TRA2A: variants seen among roughly 807,000 people sequenced by gnomAD.
The protein encoded by TRA2A is transformer-2 protein homolog alpha.
A neutral mutation model predicts 45.7 loss-of-function variants in TRA2A; 31 were observed. The observed-to-expected ratio is 0.68, with a 90% CI of 0.51 to 0.92. TRA2A has a LOEUF of 0.92. Among genes scored for constraint, TRA2A ranks in the 40% least tolerant of loss-of-function variants. The probability of loss-of-function intolerance (pLI) is 0.00; values close to 1 mark genes in which losing one functional copy is unlikely to be tolerated. For missense variants in TRA2A, 304 were observed against 367.5 expected, an observed-to-expected ratio of 0.83 and a Z score of 1.41; for synonymous variants, 132 against 126.2, an observed-to-expected ratio of 1.05 and a Z score of -0.31.
rs946099153 is a variant in TRA2A, at chr7:23,531,967, A to G, written c.-143T>C. On this transcript the variant is annotated 5_prime_UTR_variant, in exon 1 of 8. Transcript: ENST00000297071. ...CTCCACTCCACTCCCACTCGGTCGC[A>G]GGCTCCAGCAAAATGGCGCCGGCGC... 2 of 861,752 alleles carry G rather than the reference A, an allele frequency of 2.3e-6. No individual in the cohort carries two copies. The highest frequency in any genetic ancestry group is 1.7e-5 in the African/African-American group (1 of 59,006). 53.4% of individuals were successfully genotyped at this position (861,752 alleles called of 1,614,324 possible).
intron 2 of TRA2A, among the ~76,000 whole-genome samples, chr7:23,518,223 A>G (rs563065684): frequency 7.9e-5 from 12 of 151,998 alleles, no homozygotes; most frequent in African/African-American, 2.7e-4. Context: ...CCTGGCCCAT[A>G]AAGTTCTACA....
At chr7:23,531,208 A>C (rs1319546811) in intron 1 of TRA2A, 7 of 986,614 alleles carry the variant, frequency 7.1e-6, no homozygotes, top group Non-Finnish European at 8.4e-6. Context: ...CCCACCTTCA[A>C]CCTCAAGGCT....
intron 1 of TRA2A, among the ~76,000 whole-genome samples, chr7:23,523,597 G>C (rs1008246019): frequency 5.3e-5 from 8 of 152,102 alleles, no homozygotes; most frequent in African/African-American, 1.7e-4. Context: ...AATGCCACCT[G>C]GTCATTTTCT....
At chr7:23,528,546 G>A (rs1344844182) in intron 1 of TRA2A, among the ~76,000 whole-genome samples, 4 of 152,028 alleles carry the variant, frequency 2.6e-5, no homozygotes, top group African/African-American at 9.7e-5. Context: ...CCTGGGTTTT[G>A]ATAGTCATCA....
At chr7:23,530,910 TTTTTTTTTTTTTACCGTAAAAACC>T (rs1354354555) in intron 1 of TRA2A, among the ~76,000 whole-genome samples, 3 of 88,550 alleles carry the variant, frequency 3.4e-5, no homozygotes, top group Non-Finnish European at 6.5e-5. Flanking sequence ...GAAAGACAGA[TTTTTTTTTTTTTACCGTAAAAACC>T]TGTAAAGGAG....
At position 23,529,853 on chromosome 7, in the gene TRA2A, C is replaced by CTTTT. The variant is rs11415684; in HGVS notation, c.36+1932_36+1935dup. ...CTTTAGCTTAAAAGTGGGTGGGAAT[C>CTTTT]TTTTTTTTTTTTTTTGAGACGGGAG... On this transcript the variant is annotated intron_variant, in intron 1 of 7. Transcript: ENST00000297071. 9.4e-3 allele frequency among the ~76,000 whole-genome samples: 1,331 copies of CTTTT among 140,996 alleles called. 25 individuals are homozygous for CTTTT. Among genetic ancestry groups the CTTTT allele is most frequent in the South Asian group, 0.032 (143 of 4,504 alleles). The allele number at this position is 140,996 out of a possible 152,430, so 92.5% of individuals were successfully genotyped here.
At chr7:23,520,234 A>C (rs1457648269) in intron 2 of TRA2A, among the ~76,000 whole-genome samples, 2 of 152,194 alleles carry the variant, frequency 1.3e-5, no homozygotes, top group African/African-American at 4.8e-5. Flanking sequence ...AACAAAAACA[A>C]ACAAGAAACT....
rs181714742 is a variant in TRA2A, at chr7:23,517,820, G to A, written c.171-1292C>T. On this transcript the variant is annotated intron_variant, in intron 2 of 7. Coordinates refer to ENST00000297071, the MANE Select transcript of TRA2A (RefSeq NM_013293.5). ...CCAGCTACTTGGGAGGCTGAGGCACGAGAATCACTTGAACCCGGGAGGTGG... is the reference window on the plus strand; with the variant it reads ...CCAGCTACTTGGGAGGCTGAGGCACAAGAATCACTTGAACCCGGGAGGTGG... Among the ~76,000 whole-genome samples, 647 of 152,026 alleles carry A rather than the reference G, an allele frequency of 4.3e-3. 5 individuals are homozygous for A. Among genetic ancestry groups the A allele is most frequent in the African/African-American group, 0.015 (626 of 41,514 alleles).
intron 1 of TRA2A, among the ~76,000 whole-genome samples, chr7:23,528,849 A>C (rs537145087): frequency 2.4e-4 from 37 of 152,154 alleles, no homozygotes; most frequent in African/African-American, 8.9e-4. Context: ...AGTCTCTCAA[A>C]AATACTCCAG....
intron 5 of TRA2A, among the ~76,000 whole-genome samples, chr7:23,506,976 C>T (rs902267615): frequency 6.6e-6 from 1 of 151,996 alleles, no homozygotes; most frequent in African/African-American, 2.4e-5. Flanking sequence ...GGGGTTTCAC[C>T]GTGGTCCCGA....
chr7:23,524,955 G>A (rs1377475108), intron 1 of TRA2A, among the ~76,000 whole-genome samples: 1 of 152,102 alleles, frequency 6.6e-6, no homozygotes, highest in Non-Finnish European at 1.5e-5. Context: ...CTCCCAAAGC[G>A]CTGGGATTAC....
rs370041820 is a variant in TRA2A at position 23,512,617 on chromosome 7, CCTGG to C, written c.525+273_525+276del. Among the ~76,000 whole-genome samples, 37 of 152,162 alleles carry C rather than the reference CCTGG, an allele frequency of 2.4e-4. No homozygotes were observed. In the East Asian group the frequency reaches 6.6e-3, roughly 27 times the overall value. On this transcript the variant is annotated intron_variant, in intron 4 of 7. Transcript: ENST00000297071. The stretch of plus-strand genomic sequence containing the variant: ...GGGACTACAAGCGCCGGCCACCACG[CCTGG>C]CTAATTGTTTGTATTTTTAGTAGAG...
intron 3 of TRA2A, among the ~76,000 whole-genome samples, 162 bp from the exon 4 acceptor site, chr7:23,513,244 T>A (rs1185645460): frequency 6.6e-6 from 1 of 152,202 alleles, no homozygotes; most frequent in Admixed American, 6.5e-5. Flanking sequence ...GAGCCATATT[T>A]TACAATTCAC....
chr7:23,531,753 C>A, intron 1 of TRA2A, 36 bp downstream of exon 1: 1 of 1,611,426 alleles, frequency 6.2e-7, no homozygotes. Flanking sequence ...GAGCATTGGG[C>A]CGCCGCCTAG....
Position 23,529,853 on chromosome 7 carries a change from CT to C in TRA2A, c.36+1935del, listed in dbSNP as rs11415684. On this transcript the variant is annotated intron_variant, in intron 1 of 7. Coordinates refer to ENST00000297071, the MANE Select transcript of TRA2A (RefSeq NM_013293.5). ...CTTTAGCTTAAAAGTGGGTGGGAAT[CT>C]TTTTTTTTTTTTTTGAGACGGGAGT... Among the ~76,000 whole-genome samples, 111 of 140,966 alleles carry C rather than the reference CT, an allele frequency of 7.9e-4. 1 individual carries two copies. The highest frequency in any genetic ancestry group is 3.7e-3 in the Middle Eastern group (1 of 268). 92.5% of individuals were successfully genotyped at this position (140,966 alleles called of 152,430 possible).
Position 23,505,585 on chromosome 7 carries a change from CAAA to C in TRA2A, c.839-19_839-17del, listed in dbSNP as rs5882904. 2,045 of 241,986 alleles carry C rather than the reference CAAA, an allele frequency of 8.5e-3. No individual in the cohort carries two copies. Among genetic ancestry groups the C allele is most frequent in the South Asian group, 0.01 (97 of 9,692 alleles). 15.0% of individuals were successfully genotyped at this position (241,986 alleles called of 1,614,324 possible). ...CAATAGCGTCCTAAAAGAGAAAAAG[CAAA>C]AAAAAAAAAAAAAAAAAAAAGTTAA... On this transcript the variant is annotated splice_polypyrimidine_tract_variant and intron_variant, in intron 7 of 7. Coordinates refer to ENST00000297071, the MANE Select transcript of TRA2A (RefSeq NM_013293.5).
At chr7:23,527,288 T>C (rs562912499) in intron 1 of TRA2A, among the ~76,000 whole-genome samples, 1 of 152,286 alleles carries the variant, frequency 6.6e-6, no homozygotes, top group African/African-American at 2.4e-5. Context: ...TAACTATATA[T>C]ATAAGTAACT....
intron 1 of TRA2A, chr7:23,522,087 C>T (rs1271589725): frequency 7.5e-7 from 1 of 1,334,590 alleles, no homozygotes; most frequent in Non-Finnish European, 9.6e-7. Flanking sequence ...TCATCTACAA[C>T]TTGATCATAC....
intron 4 of TRA2A, 120 bp downstream of exon 4, chr7:23,512,772 TTA>T: frequency 5.7e-6 from 5 of 871,972 alleles, no homozygotes; most frequent in Admixed American, 3.3e-5. Context: ...GATCCTATCT[TTA>T]AAAAAAAAAA....
Sources: allele counts gnomAD v4.1 joint callset (sites outside exome capture counted in the v4.1 genomes callset), GRCh38; gene constraint gnomAD v4.1.1; transcripts MANE v1.5; gene names NCBI Gene and HGNC (gene_info 2026-07-23, HGNC 2026-07-21).